Variants in GNG2 observed in about 807,000 individuals in gnomAD.
GNG2 encodes guanine nucleotide-binding protein G(I)/G(S)/G(O) subunit gamma-2.
A neutral mutation model predicts 5.5 loss-of-function variants in GNG2; 5 were observed. That is an observed-to-expected ratio of 0.91 (90% CI 0.48 to 1.92). The LOEUF (loss-of-function observed/expected upper bound fraction) is 1.92. Among genes scored for constraint, GNG2 ranks in the 30% most tolerant of loss-of-function variants. The probability of loss-of-function intolerance (pLI) is 0.01; values close to 1 mark genes in which losing one functional copy is unlikely to be tolerated. For synonymous variants in GNG2, 28 were observed against 32.0 expected (o/e 0.88, Z 0.42); for missense variants, 55 against 88.4 (o/e 0.62, Z 1.52).
At chr14:51,832,591 G>A (rs1428874625) in intron 2 of GNG2, among the ~76,000 whole-genome samples, 1 of 152,204 alleles carries the variant, frequency 6.6e-6, no homozygotes, top group East Asian at 1.9e-4. Context: ...CAGTTCTGAA[G>A]GTTGAGAGGT....
chr14:51,939,076 A>G (rs1888170677), intron 2 of GNG2, among the ~76,000 whole-genome samples: 1 of 152,108 alleles, frequency 6.6e-6, no homozygotes, highest in East Asian at 1.9e-4. Context: ...CTTTTGTTGG[A>G]ACCCTACTGG....
At chr14:51,966,227 A>G (rs796544171) in intron 3 of GNG2, among the ~76,000 whole-genome samples, 2 of 148,842 alleles carry the variant, frequency 1.3e-5, no homozygotes, top group Non-Finnish European at 3.0e-5. Flanking sequence ...AAAAAAAAAA[A>G]AAAAAAAAAA....
intron 2 of GNG2, among the ~76,000 whole-genome samples, chr14:51,898,627 T>C (rs1006774262): frequency 1.2e-4 from 18 of 152,110 alleles, no homozygotes; most frequent in Non-Finnish European, 2.6e-4. Flanking sequence ...TTGTCTGAAT[T>C]AAAAATAACT....
chr14:51,911,641 T>A (rs1351847945), intron 2 of GNG2, among the ~76,000 whole-genome samples: 10 of 126,372 alleles, frequency 7.9e-5, no homozygotes, highest in African/African-American at 2.0e-4. Flanking sequence ...ACTCTTGGGC[T>A]CATGTAATCC....
chr14:51,893,109 C>G (rs1884970514), intron 2 of GNG2, among the ~76,000 whole-genome samples: 1 of 152,192 alleles, frequency 6.6e-6, no homozygotes. Flanking sequence ...TACATCCATG[C>G]TTTACTGTGG....
At chr14:51,932,271 A>AAAG (rs60014306) in intron 2 of GNG2, among the ~76,000 whole-genome samples, 2,351 of 96,256 alleles carry the variant, frequency 0.024, 507 homozygotes, top group African/African-American at 0.079. Flanking sequence ...AAAAAAAAAA[A>AAAG]AGAAAAGAAA....
At chr14:51,917,249 A>AC in intron 2 of GNG2, 1 of 403,106 alleles carries the variant, frequency 2.5e-6, no homozygotes. Context: ...CAAAATATCC[A>AC]CCAGTCAGCA....
intron 2 of GNG2, among the ~76,000 whole-genome samples, chr14:51,944,565 C>A (rs1412408729): frequency 6.6e-6 from 1 of 152,162 alleles, no homozygotes; most frequent in African/African-American, 2.4e-5. Context: ...AAAGGCCAAC[C>A]TTTTCAACAA....
intron 2 of GNG2, among the ~76,000 whole-genome samples, chr14:51,903,055 A>T (rs578009970): frequency 6.6e-6 from 1 of 152,344 alleles, no homozygotes; most frequent in Admixed American, 6.5e-5. Context: ...TGGGGTATTT[A>T]TCCTCAGGAA....
intron 3 of GNG2, among the ~76,000 whole-genome samples, chr14:51,953,506 A>G (rs1477181176): frequency 1.3e-5 from 2 of 152,228 alleles, no homozygotes; most frequent in African/African-American, 2.4e-5. Flanking sequence ...GAAGCAAAGC[A>G]TGAACCTGAT....
chr14:51,962,301 A>C (rs1334063808), intron 3 of GNG2, among the ~76,000 whole-genome samples: 3 of 152,198 alleles, frequency 2.0e-5, no homozygotes, highest in Non-Finnish European at 4.4e-5. Context: ...ATAGGTCTAC[A>C]ATCATAAGGT....
At chr14:51,920,763 T>C (rs190101564) in intron 2 of GNG2, among the ~76,000 whole-genome samples, 97 of 152,332 alleles carry the variant, frequency 6.4e-4, no homozygotes, top group African/African-American at 2.2e-3. Flanking sequence ...CCATGAATTT[T>C]ACCTGTGTTA....
At position 51,935,021 on chromosome 14, in the gene GNG2, C is replaced by CTTTTTTTTT. The variant is rs1370410276; in HGVS notation, c.-29-15626_-29-15625insTTTTTTTTT. ...ATAGGTGGAAATTCCAGCCCAGTTT[C>CTTTTTTTTT]TTTCTTTTTTTTTTTTTTTTGGAGA... is the stretch of plus-strand genomic sequence containing the variant. On this transcript the variant is annotated intron_variant, in intron 2 of 3. Coordinates refer to ENST00000556766, the MANE Select transcript of GNG2 (RefSeq NM_053064.5). Among the ~76,000 whole-genome samples, 3 of 111,302 alleles carry CTTTTTTTTT rather than the reference C, an allele frequency of 2.7e-5. 1 individual carries two copies. The highest frequency in any genetic ancestry group is 5.5e-5 in the Non-Finnish European group (3 of 54,184). 73.0% of individuals were successfully genotyped at this position (111,302 alleles called of 152,430 possible). A position where few individuals can be genotyped will look rare whatever the true frequency, so the allele number is the denominator to read the frequency against.
chr14:51,864,587 G>A (rs1882745065), intron 1 of GNG2, among the ~76,000 whole-genome samples: 1 of 152,164 alleles, frequency 6.6e-6, no homozygotes, highest in Non-Finnish European at 1.5e-5. Context: ...TCTGCTAGTT[G>A]GTGATGTCCA....
intron 2 of GNG2, among the ~76,000 whole-genome samples, chr14:51,922,712 G>T (rs1299204632): frequency 6.6e-6 from 1 of 152,146 alleles, no homozygotes; most frequent in East Asian, 1.9e-4. Context: ...TTTTCCTAAA[G>T]AGTAAGAAAC....
intron 2 of GNG2, among the ~76,000 whole-genome samples, chr14:51,943,768 A>C (rs1025843190): frequency 4.6e-5 from 7 of 151,154 alleles, no homozygotes; most frequent in Non-Finnish European, 1.0e-4. Flanking sequence ...ATTCAACAAA[A>C]ATTTTTAAAA....
intron 1 of GNG2, 112 bp from the exon 2 acceptor site, chr14:51,877,505 A>G (rs1335545853): frequency 1.7e-5 from 7 of 421,634 alleles, no homozygotes; most frequent in Admixed American, 7.9e-5. Flanking sequence ...CTATATTGCC[A>G]TTACCACCCA....
At position 51,956,763 on chromosome 14, in the gene GNG2, T is replaced by C. The variant is rs543423573; in HGVS notation, c.87+5998T>C. Among the ~76,000 whole-genome samples the C allele has an allele frequency of 1.2e-4, 19 of 152,322 alleles. No individual in the cohort carries two copies. In the East Asian group the frequency reaches 3.3e-3, roughly 26 times the overall value. ...AGGCAATGACAGCCTGTGCTTATTT[T>C]TTGCCTGATGGCTTGCAAGCATTTT... On this transcript the variant is annotated intron_variant, in intron 3 of 3. Coordinates refer to ENST00000556766, the MANE Select transcript of GNG2 (RefSeq NM_053064.5).
chr14:51,920,528 G>A (rs987937773), intron 2 of GNG2, among the ~76,000 whole-genome samples: 7 of 151,892 alleles, frequency 4.6e-5, no homozygotes, highest in African/African-American at 1.5e-4. Flanking sequence ...GGATACAGAA[G>A]GCAGAATATA....
Sources: gnomAD v4.1 joint callset for allele counts (sites outside exome capture counted in the v4.1 genomes callset) on GRCh38, gnomAD v4.1.1 for gene constraint, MANE v1.5 for transcripts, NCBI Gene and HGNC (gene_info 2026-07-23, HGNC 2026-07-21) for gene names.